The following DNAH8 variants were observed in gnomAD, a reference collection of about 807,000 sequenced individuals.
DNAH8 encodes axonemal beta dynein heavy chain 8.
Under a neutral mutation model 562.1 loss-of-function variants are expected in DNAH8, and 382 were observed. The observed-to-expected ratio is 0.68, with a 90% confidence interval of 0.63 to 0.74. The LOEUF (loss-of-function observed/expected upper bound fraction) is 0.74. Among genes scored for constraint, DNAH8 ranks in the 30% least tolerant of loss-of-function variants. DNAH8 has a pLI of 0.00. For missense variants in DNAH8, 5,203 were observed against 5,620.4 expected, an observed-to-expected ratio of 0.93 and a Z score of 2.37; for synonymous variants, 1,881 against 1,919.4, an observed-to-expected ratio of 0.98 and a Z score of 0.52.
chr6:38,831,269 A>G (rs1002821240), intron 30 of DNAH8, among the ~76,000 whole-genome samples: 6 of 151,878 alleles, frequency 4.0e-5, no homozygotes, highest in African/African-American at 1.5e-4. Context: ...TACAAAAAAT[A>G]CAAAAATTAG....
At chr6:38,811,113 ACTTT>A (rs1303964559) in intron 24 of DNAH8, among the ~76,000 whole-genome samples, 1 of 152,182 alleles carries the variant, frequency 6.6e-6, no homozygotes, top group Admixed American at 6.5e-5. Context: ...CTCAGAGTGC[ACTTT>A]CTATTTGAGG....
chr6:38,923,907 G>A, intron 72 of DNAH8, 84 bp from the exon 73 acceptor site: 9 of 1,442,778 alleles, frequency 6.2e-6, no homozygotes, highest in Non-Finnish European at 7.7e-6. Flanking sequence ...ATTTCACCCA[G>A]TAACAGAGCA....
intron 3 of DNAH8, 31 bp from the exon 4 acceptor site, chr6:38,729,871 T>G: frequency 8.3e-7 from 1 of 1,199,368 alleles, no homozygotes; most frequent in East Asian, 2.4e-5. Flanking sequence ...TCCTTAGTCG[T>G]TTGATTATCA....
chr6:38,941,394 G>A (rs888127793), intron 79 of DNAH8, among the ~76,000 whole-genome samples: 4 of 152,122 alleles, frequency 2.6e-5, no homozygotes, highest in Non-Finnish European at 4.4e-5. Context: ...TGGAAACTTC[G>A]CAAACTATTT....
intron 3 of DNAH8, among the ~76,000 whole-genome samples, chr6:38,729,186 G>A (rs762541766): frequency 6.6e-5 from 10 of 151,244 alleles, no homozygotes; most frequent in Admixed American, 1.3e-4. Flanking sequence ...CTGGGTGACA[G>A]AGCGAAACTC....
intron 91 of DNAH8, among the ~76,000 whole-genome samples, chr6:39,013,405 T>C (rs1766357833): frequency 6.6e-6 from 1 of 152,204 alleles, no homozygotes; most frequent in African/African-American, 2.4e-5. Context: ...GCAATATAGG[T>C]GCATCTCATA....
At chr6:38,834,548 A>G (rs1364607362) in intron 31 of DNAH8, 31 bp from the exon 32 acceptor site, 1 of 1,454,346 alleles carries the variant, frequency 6.9e-7, no homozygotes, top group East Asian at 2.3e-5. Flanking sequence ...ATGATTAAGA[A>G]TGAAAATGGA....
intron 77 of DNAH8, among the ~76,000 whole-genome samples, chr6:38,937,484 G>A (rs535968368): frequency 6.6e-6 from 1 of 152,276 alleles, no homozygotes; most frequent in South Asian, 2.1e-4. Context: ...AGCAACGACT[G>A]TTCTACTAAA....
intron 8 of DNAH8, 55 bp from the exon 9 acceptor site, chr6:38,750,421 T>C (rs2127594951): frequency 3.3e-6 from 4 of 1,199,080 alleles, no homozygotes; most frequent in Middle Eastern, 4.1e-4. Flanking sequence ...GAGTAAACTT[T>C]AGCACACTGA....
chr6:38,832,439 A>G lies in DNAH8; in HGVS notation c.4302+4A>G, dbSNP rs375727338. ...CTTTGCAGAAGCATATGAATTGGTAATTTAAGTATTTTCTTGCTGTATGTT... is the reference window on the plus strand; with the variant it reads ...CTTTGCAGAAGCATATGAATTGGTAGTTTAAGTATTTTCTTGCTGTATGTT... On this transcript the variant is annotated splice_donor_region_variant and intron_variant, in intron 31 of 92. Transcript: ENST00000327475. The G allele has an allele frequency of 5.3e-6, 8 of 1,517,154 alleles. No homozygotes were observed. The highest frequency in any genetic ancestry group is 7.3e-6 in the Non-Finnish European group (8 of 1,093,372). 94.0% of individuals were successfully genotyped at this position (1,517,154 alleles called of 1,614,324 possible). A position where few individuals can be genotyped will look rare whatever the true frequency, so the allele number is the denominator to read the frequency against.
In DNAH8 at chr6:38,779,985, C is replaced by A. The variant is rs774984318; in HGVS notation, c.2059C>A (p.Pro687Thr). 5 of 1,613,828 alleles carry A rather than the reference C, an allele frequency of 3.1e-6. No homozygotes were observed. The Admixed American group carries it at 8.3e-5, about 27-fold the overall frequency. Residue 687 changes from proline to threonine, a missense_variant, in exon 15 of 93, where the codon CCC becomes ACC. Physicochemically the swap from Pro to Thr is conservative, Grantham distance 38. Transcript: ENST00000327475. ...LLQRFQKLNI[P>T]CLGLEINHTI... ...TTTTAGGTTTCAGAAGCTGAACATT[C>A]CCTGTCTGGGATTAGAAATAAACCA...
intron 53 of DNAH8, among the ~76,000 whole-genome samples, chr6:38,881,012 G>A (rs1260067229): frequency 2.6e-5 from 4 of 152,098 alleles, no homozygotes; most frequent in African/African-American, 9.7e-5. Context: ...GGGCCACAGA[G>A]GCAGACCTTG....
At chr6:38,880,057 A>C (rs2150457764) in intron 53 of DNAH8, among the ~76,000 whole-genome samples, 1 of 152,266 alleles carries the variant, frequency 6.6e-6, no homozygotes, top group Admixed American at 6.5e-5. Flanking sequence ...AGCCTGGCCA[A>C]CATGGTGAAA....
At position 38,822,923 on chromosome 6, in the gene DNAH8, C is replaced by T. The variant is rs770585550; in HGVS notation, c.3609C>T (p.Val1203=). The T allele has an allele frequency of 1.2e-6, 2 of 1,613,548 alleles. No homozygotes were observed. Among genetic ancestry groups the T allele is most frequent in the Non-Finnish European group, 1.7e-6 (2 of 1,179,820 alleles). The change falls in exon 27 of 93, where the codon GTC becomes GTT. Residue 1203 remains valine, a synonymous_variant. Transcript: ENST00000327475. ...AGCACAAGGATATTTCTAAGTTGGT[C>T]CTGCTCCTTTCTTCCTCTGTAAATT... ...VAEHKDISKL[V]LLLSSSVNSL...
chr6:38,904,856 A>G (rs761481465), intron 62 of DNAH8, among the ~76,000 whole-genome samples: 5 of 151,934 alleles, frequency 3.3e-5, no homozygotes, highest in Non-Finnish European at 7.4e-5. Flanking sequence ...GGCAACTGAT[A>G]TGCATGACGA....
intron 26 of DNAH8, among the ~76,000 whole-genome samples, chr6:38,819,759 CCAATAAGTT>C (rs1772646219): frequency 6.6e-6 from 1 of 151,996 alleles, no homozygotes; most frequent in Non-Finnish European, 1.5e-5. Context: ...ATTGTTACAA[CCAATAAGTT>C]CAGTAATGTT....
chr6:38,789,520 A>G (rs1230894288), intron 18 of DNAH8, among the ~76,000 whole-genome samples: 1 of 152,216 alleles, frequency 6.6e-6, no homozygotes, highest in Non-Finnish European at 1.5e-5. Context: ...AGATATCACA[A>G]AAAGATAATA....
At chr6:38,844,442 C>G (rs1775115264) in intron 35 of DNAH8, among the ~76,000 whole-genome samples, 1 of 152,190 alleles carries the variant, frequency 6.6e-6, no homozygotes, top group African/African-American at 2.4e-5. Flanking sequence ...CTTCCCCTAC[C>G]TCTTTTTAAC....
At chr6:38,797,472 A>T (rs1054985033) in intron 21 of DNAH8, among the ~76,000 whole-genome samples, 1 of 152,006 alleles carries the variant, frequency 6.6e-6, no homozygotes, top group Non-Finnish European at 1.5e-5. Context: ...AACAGTGAAA[A>T]TTTTGCTGTA....
Sources: gnomAD v4.1 joint callset for allele counts (sites outside exome capture counted in the v4.1 genomes callset) on GRCh38, gnomAD v4.1.1 for gene constraint, MANE v1.5 for transcripts, NCBI Gene and HGNC (gene_info 2026-07-23, HGNC 2026-07-21) for gene names.